The following AFG3L2 variants were observed in gnomAD, a reference collection of about 807,000 sequenced individuals.
AFG3L2 encodes AFG3 like matrix AAA peptidase subunit 2, also known as mitochondrial inner membrane m-AAA protease component AFG3L2.
AFG3L2 carries 54 observed loss-of-function variants against 94.5 expected under a neutral mutation model. The observed-to-expected ratio is 0.57, with a 90% CI of 0.46 to 0.72. The LOEUF is 0.72. Among genes scored for constraint, AFG3L2 ranks in the 30% least tolerant of loss-of-function variants. The pLI, the probability that AFG3L2 is intolerant of heterozygous loss-of-function variation, is 0.00. For missense variants in AFG3L2, 754 were observed against 994.9 expected (o/e 0.76, Z 3.26); for synonymous variants, 377 against 365.5 (o/e 1.03, Z -0.36).
At chr18:12,360,096 A>G (rs768343001) in intron 6 of AFG3L2, 45 bp from the exon 7 acceptor site, 2 of 1,594,170 alleles carry the variant, frequency 1.3e-6, no homozygotes, top group Non-Finnish European at 8.6e-7. Flanking sequence ...TAGTGAAACT[A>G]AAAGGTTCAA....
chr18:12,345,830 T>A (rs1908116318), intron 13 of AFG3L2, among the ~76,000 whole-genome samples: 1 of 152,224 alleles, frequency 6.6e-6, no homozygotes, highest in African/African-American at 2.4e-5. Context: ...TCACAACTCT[T>A]ACCATCTGAG....
intron 13 of AFG3L2, among the ~76,000 whole-genome samples, chr18:12,347,449 A>C (rs567874379): frequency 1.3e-5 from 2 of 152,356 alleles, no homozygotes; most frequent in Admixed American, 1.3e-4. Flanking sequence ...CAGAAGCCCT[A>C]TGGAATGCTA....
chr18:12,370,623 A>C (rs1908954985), intron 3 of AFG3L2, among the ~76,000 whole-genome samples: 1 of 151,828 alleles, frequency 6.6e-6, no homozygotes, highest in South Asian at 2.1e-4. Flanking sequence ...ATGTCTAACT[A>C]ATTTTTTGTA....
In AFG3L2 at chr18:12,356,769, T is replaced by C. The variant is rs747246135; in HGVS notation, c.1089A>G (p.Gly363=). 2.0e-5 allele frequency: 32 copies of C among 1,614,228 alleles called. No homozygotes were observed. The East Asian group carries it at 7.1e-4, about 36-fold the overall frequency. The change falls in exon 9 of 17, where the codon GGA becomes GGG. Residue 363 remains glycine, a synonymous_variant. Transcript: ENST00000269143. The stretch of plus-strand genomic sequence containing the variant: ...CGGTGATGAAGGGGACATTGGCTTC[T>C]CCGGCTGTGGCCTTAGCTAGCAGCG... ...GKTLLAKATA[G]EANVPFITVS...
intron 16 of AFG3L2, among the ~76,000 whole-genome samples, chr18:12,332,945 A>AATATATTATATACTATAATATATT (rs1555670074): frequency 8.9e-6 from 1 of 112,106 alleles, no homozygotes; most frequent in African/African-American, 3.4e-5. Context: ...TATAACATAT[A>AATATATTATATACTATAATATATT]ATATATTATA....
chr18:12,366,659 G>A (rs1908816751), intron 5 of AFG3L2, among the ~76,000 whole-genome samples: 1 of 152,128 alleles, frequency 6.6e-6, no homozygotes, highest in African/African-American at 2.4e-5. Flanking sequence ...CAGAGCAGGG[G>A]CAGCTGAGGG....
At chr18:12,348,860 T>C (rs1171492823) in intron 12 of AFG3L2, among the ~76,000 whole-genome samples, 1 of 152,240 alleles carries the variant, frequency 6.6e-6, no homozygotes, top group Non-Finnish European at 1.5e-5. Context: ...AAATGCTTTT[T>C]AGATCCATCT....
chr18:12,331,869 G>C (rs1907543967), intron 16 of AFG3L2, among the ~76,000 whole-genome samples: 1 of 100,716 alleles, frequency 9.9e-6, no homozygotes, highest in African/African-American at 3.4e-5. Context: ...ATAAAACAAG[G>C]GCAGAGATAC....
Position 12,358,540 on chromosome 18 carries a change from C to A in AFG3L2, c.1026+130G>T, listed in dbSNP as rs960861096. ...AAACGATCCTCGAGTTGGGCAGAGGCTAGCCTAGTAAGCTGAGAAAGAGGA... is the reference window on the plus strand; with the variant it reads ...AAACGATCCTCGAGTTGGGCAGAGGATAGCCTAGTAAGCTGAGAAAGAGGA... On this transcript the variant is annotated intron_variant, in intron 8 of 16. Coordinates refer to ENST00000269143, the MANE Select transcript of AFG3L2 (RefSeq NM_006796.3). 1.1e-5 allele frequency: 14 copies of A among 1,227,880 alleles called. No individual in the cohort carries two copies. The Admixed American group carries it at 2.5e-4, about 22-fold the overall frequency. 76.1% of individuals were successfully genotyped at this position (1,227,880 alleles called of 1,614,324 possible).
intron 14 of AFG3L2, chr18:12,343,178 G>A (rs1908009229): frequency 6.6e-6 from 1 of 152,048 alleles, no homozygotes; most frequent in Non-Finnish European, 1.5e-5. Context: ...TCCATATTTC[G>A]AGTTTTTAGA....
intron 9 of AFG3L2, among the ~76,000 whole-genome samples, chr18:12,355,233 C>T (rs758883349): frequency 1.1e-4 from 16 of 149,838 alleles, no homozygotes; most frequent in Non-Finnish European, 2.1e-4. Flanking sequence ...AGAACTCTTA[C>T]AATTCAACAA....
At chr18:12,376,837 G>T in intron 1 of AFG3L2, 132 bp downstream of exon 1, 2 of 615,016 alleles carry the variant, frequency 3.3e-6, no homozygotes, top group Non-Finnish European at 4.8e-6. Flanking sequence ...AGCGCAGGGC[G>T]CCCAGGCCCT....
intron 1 of AFG3L2, among the ~76,000 whole-genome samples, chr18:12,374,931 C>A (rs1210690865): frequency 6.6e-6 from 1 of 151,832 alleles, no homozygotes; most frequent in Non-Finnish European, 1.5e-5. Flanking sequence ...TGGCGGGCGC[C>A]TGTAATCCCA....
At chr18:12,376,861 C>T (rs113749933) in intron 1 of AFG3L2, 108 bp downstream of exon 1, 18 of 870,904 alleles carry the variant, frequency 2.1e-5, no homozygotes, top group Non-Finnish European at 2.8e-5. Context: ...CAGGGACGGC[C>T]CGCGTGCGGC....
At chr18:12,349,353 T>C (rs1026441654) in intron 12 of AFG3L2, among the ~76,000 whole-genome samples, 2 of 152,218 alleles carry the variant, frequency 1.3e-5, no homozygotes, top group Non-Finnish European at 2.9e-5. Flanking sequence ...AACCTGGCAG[T>C]TCCTCAAAAA....
chr18:12,355,600 T>A (rs906082535), intron 9 of AFG3L2, among the ~76,000 whole-genome samples: 2 of 152,148 alleles, frequency 1.3e-5, no homozygotes, highest in African/African-American at 2.4e-5. Context: ...ACATATTGTA[T>A]AATTTCATTT....
In AFG3L2 at chr18:12,371,606, G is replaced by A. The variant is rs1908992931; in HGVS notation, c.200C>T (p.Ser67Phe). The A allele has an allele frequency of 6.2e-7, 1 of 1,613,726 alleles. No individual in the cohort carries two copies. Among genetic ancestry groups the A allele is most frequent in the Non-Finnish European group, 8.5e-7 (1 of 1,179,990 alleles). ...DIIAAYQRFCSRPPKGFEKYF... is the reference protein window; with the variant it reads ...DIIAAYQRFCFRPPKGFEKYF... ...TAAGCATTTACCTTTTGGGGGTCGA[G>A]AACAGAATCTTTGATAAGCAGCAAT... is the stretch of plus-strand genomic sequence containing the variant. The change falls in exon 2 of 17, where the codon TCT (serine) becomes TTT (phenylalanine). Residue 67 changes from serine (S) to phenylalanine (F), a missense_variant. Coordinates refer to ENST00000269143, the MANE Select transcript of AFG3L2 (RefSeq NM_006796.3).
rs186297499 is a variant in AFG3L2 at position 12,356,177 on chromosome 18, C to T, written c.1164+517G>A. ...AATTTTTTTTTTTTTTTTGAGACAG[C>T]GTCTCACTCTGTTGCCCAGGCTGGA... On this transcript the variant is annotated intron_variant, in intron 9 of 16. Coordinates refer to ENST00000269143, the MANE Select transcript of AFG3L2 (RefSeq NM_006796.3). Among the ~76,000 whole-genome samples the T allele has an allele frequency of 2.7e-3, 391 of 143,790 alleles. 3 individuals carry two copies. The highest frequency in any genetic ancestry group is 6.0e-3 in the East Asian group (29 of 4,838). The allele number at this position is 143,790 out of a possible 152,430, so 94.3% of individuals were successfully genotyped here.
At chr18:12,338,715 G>GA (rs1164276629) in intron 15 of AFG3L2, among the ~76,000 whole-genome samples, 2 of 152,018 alleles carry the variant, frequency 1.3e-5, no homozygotes, top group Admixed American at 6.6e-5. Flanking sequence ...GTTATTATAA[G>GA]AAAAAAATAA....
Sources: allele counts gnomAD v4.1 joint callset (sites outside exome capture counted in the v4.1 genomes callset), GRCh38; gene constraint gnomAD v4.1.1; transcripts MANE v1.5; gene names NCBI Gene and HGNC (gene_info 2026-07-23, HGNC 2026-07-21).